Variants in LRRC37A2 observed in about 807,000 individuals in gnomAD.
The protein encoded by LRRC37A2 is leucine-rich repeat-containing protein 37A2.
A neutral mutation model predicts 68.8 loss-of-function variants in LRRC37A2; 9 were observed. That is an observed-to-expected ratio of 0.13 (90% CI 0.08 to 0.23). The LOEUF (loss-of-function observed/expected upper bound fraction) is 0.23. Among genes scored for constraint, LRRC37A2 ranks in the 10% least tolerant of loss-of-function variants. The pLI is 1.00. For synonymous variants in LRRC37A2, 63 were observed against 367.6 expected, an observed-to-expected ratio of 0.17 and a Z score of 9.48; for missense variants, 168 against 950.4, an observed-to-expected ratio of 0.18 and a Z score of 10.82.
the LRRC37A2 span, among the ~76,000 whole-genome samples, chr17:46,905,780 T>TGTG: frequency 8.5e-6 from 1 of 116,962 alleles, no homozygotes; most frequent in Admixed American, 8.6e-5. Context: ...CTCTGTGTGT[T>TGTG]TGTGTGTGTG....
chr17:46,940,085 C>CTTAT, the LRRC37A2 span: 2 of 1,132,024 alleles, frequency 1.8e-6, no homozygotes, highest in Non-Finnish European at 2.2e-6. Context: ...TGTCTTCTGT[C>CTTAT]TTATTTCCCT....
the LRRC37A2 span, among the ~76,000 whole-genome samples, chr17:46,841,280 A>T: frequency 2.2e-4 from 33 of 152,186 alleles, no homozygotes; most frequent in South Asian, 6.2e-4. Context: ...ATTGTAAGGG[A>T]CTTGCCCACG....
chr17:47,008,615 C>A, the LRRC37A2 span, among the ~76,000 whole-genome samples: 139 of 151,896 alleles, frequency 9.2e-4, no homozygotes, highest in African/African-American at 3.2e-3. Flanking sequence ...TACCACCATG[C>A]CTGGCTAGTT....
At chr17:46,780,555 G>A in the LRRC37A2 span, among the ~76,000 whole-genome samples, 1 of 152,292 alleles carries the variant, frequency 6.6e-6, no homozygotes, top group South Asian at 2.1e-4. Flanking sequence ...TTGGGAGGCC[G>A]AGGCGGGAGG....
the LRRC37A2 span, chr17:46,940,324 A>G: frequency 1.4e-6 from 2 of 1,453,110 alleles, no homozygotes. Context: ...GGAAGGAGCA[A>G]TCTGTGACTC....
At chr17:47,019,656 C>G in the LRRC37A2 span, 1 of 1,400,896 alleles carries the variant, frequency 7.1e-7, no homozygotes, top group Non-Finnish European at 1.0e-6. Context: ...ACCAGAGGAA[C>G]AGAAGGCCTC....
chr17:46,889,762 A>G, the LRRC37A2 span, among the ~76,000 whole-genome samples: 1 of 152,044 alleles, frequency 6.6e-6, no homozygotes, highest in African/African-American at 2.4e-5. Context: ...GGGACCTTGG[A>G]CTTCTGACTC....
the LRRC37A2 span, among the ~76,000 whole-genome samples, chr17:47,047,914 A>C: frequency 5.9e-5 from 9 of 151,280 alleles, no homozygotes; most frequent in African/African-American, 9.8e-5. Flanking sequence ...GTTTATTAGC[A>C]TCAACTTCAT....
the LRRC37A2 span, among the ~76,000 whole-genome samples, chr17:46,771,645 C>T: frequency 1.4e-5 from 2 of 144,742 alleles, no homozygotes; most frequent in African/African-American, 5.0e-5. Flanking sequence ...GGCCGCCGGG[C>T]CCGGGCCGCC....
the LRRC37A2 span, among the ~76,000 whole-genome samples, chr17:46,815,116 G>A: frequency 3.3e-5 from 5 of 152,118 alleles, no homozygotes; most frequent in East Asian, 3.9e-4. Context: ...CACGTCCATC[G>A]CTGGAATGTA....
chr17:46,830,622 T>A, the LRRC37A2 span: 1 of 398,662 alleles, frequency 2.5e-6, no homozygotes, highest in Non-Finnish European at 4.4e-6. Context: ...TATTTTCTTT[T>A]TTCTCCAGAA....
chr17:46,966,328 G>T, the LRRC37A2 span, among the ~76,000 whole-genome samples: 7 of 152,154 alleles, frequency 4.6e-5, no homozygotes, highest in Non-Finnish European at 7.3e-5. Context: ...GTGTTGCCCA[G>T]GGTGCAGTGC....
the LRRC37A2 span, among the ~76,000 whole-genome samples, chr17:46,917,652 A>G: frequency 6.6e-6 from 1 of 152,194 alleles, no homozygotes; most frequent in African/African-American, 2.4e-5. Context: ...CCGCTGCTTC[A>G]CTAGGCACTG....
At chr17:46,830,267 T>TA in the LRRC37A2 span, among the ~76,000 whole-genome samples, 1 of 152,202 alleles carries the variant, frequency 6.6e-6, no homozygotes, top group Non-Finnish European at 1.5e-5. Flanking sequence ...CTTTCTTTTT[T>TA]TTGAGATGAG....
At chr17:46,838,777 G>A in the LRRC37A2 span, among the ~76,000 whole-genome samples, 1,071 of 152,206 alleles carry the variant, frequency 7.0e-3, 7 homozygotes, top group Non-Finnish European at 8.0e-3. Flanking sequence ...ATAAAAATCC[G>A]GGTTTACAAA....
At chr17:46,871,955 A>T in the LRRC37A2 span, among the ~76,000 whole-genome samples, 2 of 152,184 alleles carry the variant, frequency 1.3e-5, no homozygotes, top group Non-Finnish European at 2.9e-5. Context: ...TTGGTACAGG[A>T]TTACTTGGGC....
chr17:46,941,256 C>G, the LRRC37A2 span: 85 of 987,508 alleles, frequency 8.6e-5, no homozygotes, highest in Non-Finnish European at 1.0e-4. Context: ...TTCTGTACAC[C>G]CTTTGCCCTG....
At chr17:46,714,828 G>A in the LRRC37A2 span, among the ~76,000 whole-genome samples, 1 of 152,144 alleles carries the variant, frequency 6.6e-6, no homozygotes, top group South Asian at 2.1e-4. Flanking sequence ...TGAACTGACC[G>A]TAAGTCCAAG....
the LRRC37A2 span, chr17:46,877,039 G>A: frequency 2.8e-5 from 32 of 1,161,308 alleles, no homozygotes; most frequent in African/African-American, 4.3e-4. Flanking sequence ...AATTTTGGAC[G>A]GGAGAGAGGG....
Sources: gnomAD v4.1 joint callset for allele counts (sites outside exome capture counted in the v4.1 genomes callset) on GRCh38, gnomAD v4.1.1 for gene constraint, MANE v1.5 for transcripts, NCBI Gene and HGNC (gene_info 2026-07-23, HGNC 2026-07-21) for gene names.